Variants in RBFOX1 observed in about 807,000 individuals in gnomAD.
RBFOX1 encodes the protein RNA binding protein fox-1 homolog 1.
A neutral mutation model predicts 57.7 loss-of-function variants in RBFOX1; 8 were observed. The ratio of observed to expected loss-of-function variants is 0.14; its 90% CI spans 0.08 to 0.25. The LOEUF is 0.25. Ranked by LOEUF, RBFOX1 falls within the 10% of genes least tolerant of loss-of-function variation. The probability of loss-of-function intolerance (pLI) is 1.00; values close to 1 mark genes in which losing one functional copy is unlikely to be tolerated. For missense variants in RBFOX1, 611 were observed against 548.5 expected, an observed-to-expected ratio of 1.11 and a Z score of -1.14; for synonymous variants, 326 against 222.4, an observed-to-expected ratio of 1.47 and a Z score of -4.15.
chr16:7,618,687 A>G (rs1387291389), intron 10 of RBFOX1, among the ~76,000 whole-genome samples: 1 of 152,174 alleles, frequency 6.6e-6, no homozygotes, highest in African/African-American at 2.4e-5. Flanking sequence ...AATTCACCCA[A>G]TAGTGTTTAA....
intron 3 of RBFOX1, among the ~76,000 whole-genome samples, chr16:7,016,515 T>G (rs1441393904): frequency 6.6e-6 from 1 of 152,174 alleles, no homozygotes; most frequent in Admixed American, 6.5e-5. Flanking sequence ...CCACAGTGTA[T>G]TCAGCACACC....
chr16:5,734,059 C>A (rs1377863279), intron 3 of RBFOX1, among the ~76,000 whole-genome samples: 1 of 152,192 alleles, frequency 6.6e-6, no homozygotes, highest in Non-Finnish European at 1.5e-5. Flanking sequence ...AGCCCAGGCA[C>A]TTTCCCAGGG....
At position 7,063,722 on chromosome 16, in the gene RBFOX1, A is replaced by G. The variant is rs114089451; in HGVS notation, c.27+11624A>G. On this transcript the variant is annotated intron_variant, in intron 4 of 15. Coordinates refer to ENST00000550418, the MANE Select transcript of RBFOX1 (RefSeq NM_018723.4). ...TTTAGGGGGAAAAAAAACCCAACACACACCTGGGTCTGCACGGAACATGTG... is the reference window on the plus strand; with the variant it reads ...TTTAGGGGGAAAAAAAACCCAACACGCACCTGGGTCTGCACGGAACATGTG... 1.8e-3 allele frequency among the ~76,000 whole-genome samples: 269 copies of G among 152,242 alleles called. 1 individual carries two copies. Among genetic ancestry groups the G allele is most frequent in the African/African-American group, 5.9e-3 (246 of 41,552 alleles).
chr16:6,966,833 A>ATCTATCTG (rs1555690446), intron 3 of RBFOX1, among the ~76,000 whole-genome samples: 1,402 of 140,050 alleles, frequency 0.01, 25 homozygotes, highest in African/African-American at 0.037. Flanking sequence ...CTATCTGTCT[A>ATCTATCTG]TCTATCTATC....
chr16:5,628,013 C>G (rs551381347), intron 3 of RBFOX1, among the ~76,000 whole-genome samples: 1 of 152,184 alleles, frequency 6.6e-6, no homozygotes, highest in Non-Finnish European at 1.5e-5. Flanking sequence ...CAGGCCTCTT[C>G]TGCCATCAGA....
intron 3 of RBFOX1, among the ~76,000 whole-genome samples, chr16:6,890,285 G>A (rs745620745): frequency 2.6e-5 from 4 of 152,094 alleles, no homozygotes; most frequent in East Asian, 1.9e-4. Context: ...TTGGGAGGCC[G>A]AGGCAGGTGG....
chr16:5,713,335 G>A (rs1352299533), intron 3 of RBFOX1, among the ~76,000 whole-genome samples: 3 of 152,186 alleles, frequency 2.0e-5, no homozygotes, highest in Non-Finnish European at 4.4e-5. Context: ...AAGGGAGTCA[G>A]GGACTTAAGT....
Position 5,868,061 on chromosome 16 carries a change from G to A in RBFOX1, c.351+726G>A, listed in dbSNP as rs17714172. On this transcript the variant is annotated intron_variant, in intron 4 of 19. Coordinates refer to the RBFOX1 transcript ENST00000641259. ...CCAAGGCATGAAAGGAATTGTGGTG[G>A]ATGCTGACAACATAGGTAAAGAATA... 1.7e-3 allele frequency among the ~76,000 whole-genome samples: 258 copies of A among 152,278 alleles called. 1 individual carries two copies. The Middle Eastern group carries it at 0.017, about 10-fold the overall frequency.
At chr16:6,523,766 A>G (rs144695488) in intron 2 of RBFOX1, among the ~76,000 whole-genome samples, 3 of 152,302 alleles carry the variant, frequency 2.0e-5, no homozygotes, top group Non-Finnish European at 4.4e-5. Flanking sequence ...AAAAGCGACT[A>G]TTACATCCTC....
At position 6,627,766 on chromosome 16, in the gene RBFOX1, TC is replaced by T. The variant is rs1378115789; in HGVS notation, c.-63-26836del. 6.6e-5 allele frequency among the ~76,000 whole-genome samples: 10 copies of T among 152,208 alleles called. No individual in the cohort carries two copies. The East Asian group carries it at 7.7e-4, about 12-fold the overall frequency. ...AGGGAGGGTGGAGATTTGGTGCAGG[TC>T]GAAACTGAAGCCAATTGATAAAATG... On this transcript the variant is annotated intron_variant, in intron 2 of 15. Coordinates refer to ENST00000550418, the MANE Select transcript of RBFOX1 (RefSeq NM_018723.4).
At chr16:6,458,978 C>A in intron 2 of RBFOX1, among the ~76,000 whole-genome samples, 1 of 152,196 alleles carries the variant, frequency 6.6e-6, no homozygotes, top group East Asian at 1.9e-4. Flanking sequence ...GTAAGCATTT[C>A]TTCTTGTGCT....
In RBFOX1 at chr16:6,242,797, C is replaced by A. The variant is rs1180972390; in HGVS notation, c.-126-74198C>A. 7.2e-5 allele frequency among the ~76,000 whole-genome samples: 11 copies of A among 152,166 alleles called. No individual in the cohort carries two copies. The Middle Eastern group carries it at 0.01, about 141-fold the overall frequency. On this transcript the variant is annotated intron_variant, in intron 1 of 15. Transcript: ENST00000550418. ...GCACCCAGATAATAAACACATAACC[C>A]TTGTTTTAAGCCCAGATGTCCTTTT...
intron 4 of RBFOX1, among the ~76,000 whole-genome samples, chr16:5,953,727 A>T (rs11862518): frequency 0.066 from 7,165 of 108,880 alleles, 196 homozygotes; most frequent in African/African-American, 0.17. Flanking sequence ...TATATATATA[A>T]AAAACACATT....
rs745582982 is a variant in RBFOX1 at position 5,334,556 on chromosome 16, C to G, written c.219+94451C>G. On this transcript the variant is annotated intron_variant, in intron 1 of 2. Transcript: ENST00000585867. Reference sequence around the variant, plus strand: ...GAAGATGAAGAAGGAACAGAAGGAACAGGAGAAGAAAAGAGGAGGAGGAAT... The same window carrying G: ...GAAGATGAAGAAGGAACAGAAGGAAGAGGAGAAGAAAAGAGGAGGAGGAAT... 1.9e-4 allele frequency among the ~76,000 whole-genome samples: 29 copies of G among 151,944 alleles called. 4 individuals are homozygous for G. Among genetic ancestry groups the G allele is most frequent in the Admixed American group, 1.7e-3 (26 of 15,268 alleles).
chr16:7,635,029 C>T (rs542529925), intron 11 of RBFOX1, among the ~76,000 whole-genome samples: 163 of 152,250 alleles, frequency 1.1e-3, no homozygotes, highest in Middle Eastern at 3.4e-3. Context: ...CATTCCATTC[C>T]GAAGGCCAGT....
At chr16:6,981,055 A>AAAAAAAAAAAAAAAAAAAAAAAC (rs1161711059) in intron 3 of RBFOX1, among the ~76,000 whole-genome samples, 2 of 151,142 alleles carry the variant, frequency 1.3e-5, no homozygotes, top group African/African-American at 4.9e-5. Context: ...AAAAAAAAAA[A>AAAAAAAAAAAAAAAAAAAAAAAC]AAAACACTAA....
chr16:6,443,585 G>C (rs1236982206), intron 2 of RBFOX1, among the ~76,000 whole-genome samples: 1 of 152,118 alleles, frequency 6.6e-6, no homozygotes, highest in Non-Finnish European at 1.5e-5. Flanking sequence ...TCTCCCACTG[G>C]TAAACGATGT....
At chr16:5,853,572 G>T (rs1353448715) in intron 3 of RBFOX1, among the ~76,000 whole-genome samples, 1 of 152,250 alleles carries the variant, frequency 6.6e-6, no homozygotes, top group East Asian at 1.9e-4. Context: ...CTTTCTTTTT[G>T]TCTGTGGCAA....
At chr16:7,365,885 C>G (rs1209251778) in intron 4 of RBFOX1, among the ~76,000 whole-genome samples, 1 of 152,182 alleles carries the variant, frequency 6.6e-6, no homozygotes, top group African/African-American at 2.4e-5. Flanking sequence ...TAAGACTCTC[C>G]TTCTTTGTCT....
Sources: allele counts gnomAD v4.1 joint callset (sites outside exome capture counted in the v4.1 genomes callset), GRCh38; gene constraint gnomAD v4.1.1; transcripts MANE v1.5; gene names NCBI Gene and HGNC (gene_info 2026-07-23, HGNC 2026-07-21).